ZNG1E: variants seen among roughly 807,000 people sequenced by gnomAD.
The protein encoded by ZNG1E is Zn regulated GTPase metalloprotein activator 1E.
At chr9:65,700,576 C>A in the ZNG1E span, 1 of 68,352 alleles carries the variant, frequency 1.5e-5, no homozygotes, top group African/African-American at 6.5e-5. Context: ...AGGGTCTTCG[C>A]ACTCCATCTT....
chr9:65,659,700 T>C, the ZNG1E span, among the ~76,000 whole-genome samples: 3 of 152,186 alleles, frequency 2.0e-5, no homozygotes, highest in African/African-American at 4.8e-5. Context: ...TTAAGAGTAG[T>C]AGTGCCTTCT....
chr9:65,673,742 C>T, the ZNG1E span, among the ~76,000 whole-genome samples: 35 of 151,696 alleles, frequency 2.3e-4, no homozygotes, highest in African/African-American at 7.7e-4. Flanking sequence ...GAGTTTAGGA[C>T]TGCAGTGAGC....
chr9:65,675,281 T>G, the ZNG1E span, among the ~76,000 whole-genome samples: 1 of 152,230 alleles, frequency 6.6e-6, no homozygotes, highest in African/African-American at 2.4e-5. Context: ...TATCTATGGA[T>G]TAGTGATGAG....
the ZNG1E span, among the ~76,000 whole-genome samples, chr9:65,712,544 G>A: frequency 2.5e-4 from 4 of 16,022 alleles, no homozygotes; most frequent in Non-Finnish European, 3.2e-4. Flanking sequence ...CAGAGATTCT[G>A]GTATGTTGTG....
the ZNG1E span, among the ~76,000 whole-genome samples, chr9:65,657,926 C>A: frequency 6.6e-6 from 1 of 152,258 alleles, no homozygotes; most frequent in Non-Finnish European, 1.5e-5. Context: ...CATGGAGAAA[C>A]CCATCTCTAC....
At chr9:65,715,260 G>A in the ZNG1E span, among the ~76,000 whole-genome samples, 9 of 145,488 alleles carry the variant, frequency 6.2e-5, no homozygotes, top group East Asian at 1.0e-3. Flanking sequence ...TTCGGCTCGC[G>A]GATGGAGCAT....
the ZNG1E span, chr9:65,688,899 C>CCTT: frequency 1.0e-5 from 1 of 96,364 alleles, no homozygotes. Flanking sequence ...TGTGACCTGA[C>CCTT]CTTCTCCTTC....
At chr9:65,711,012 G>A in the ZNG1E span, among the ~76,000 whole-genome samples, 1 of 145,042 alleles carries the variant, frequency 6.9e-6, no homozygotes, top group African/African-American at 2.7e-5. Flanking sequence ...CCATTTGTTT[G>A]TATCCTCTTT....
the ZNG1E span, among the ~76,000 whole-genome samples, chr9:65,693,921 G>A: frequency 6.6e-6 from 1 of 150,998 alleles, no homozygotes; most frequent in Non-Finnish European, 1.5e-5. Flanking sequence ...TATGCTCTAA[G>A]GGGATATGTC....
the ZNG1E span, among the ~76,000 whole-genome samples, chr9:65,714,410 T>TCTTTGGAGGAGGAGAGGCGCTGCGTTC: frequency 4.4e-5 from 5 of 113,710 alleles, no homozygotes; most frequent in East Asian, 2.3e-4. Flanking sequence ...GAACTGCGTT[T>TCTTTGGAGGAGGAGAGGCGCTGCGTTC]CTTTGGAGGA....
chr9:65,691,455 C>T, the ZNG1E span, among the ~76,000 whole-genome samples: 25 of 152,218 alleles, frequency 1.6e-4, no homozygotes, highest in African/African-American at 5.8e-4. Flanking sequence ...TAATTCCTTG[C>T]ATTGTGGTTC....
At chr9:65,686,597 T>C in the ZNG1E span, among the ~76,000 whole-genome samples, 2 of 152,162 alleles carry the variant, frequency 1.3e-5, no homozygotes, top group African/African-American at 4.8e-5. Context: ...GATTGCACAT[T>C]GCACTCCAGC....
At chr9:65,689,433 G>A in the ZNG1E span, among the ~76,000 whole-genome samples, 208 of 122,860 alleles carry the variant, frequency 1.7e-3, no homozygotes, top group East Asian at 0.023. Context: ...TTCAGACATT[G>A]CCAAATATTC....
chr9:65,733,497 GT>G, the ZNG1E span: 1 of 1,239,136 alleles, frequency 8.1e-7, no homozygotes, highest in Middle Eastern at 2.7e-4. Context: ...GTCATATTTT[GT>G]TTTGTTTGCA....
chr9:65,690,067 A>C, the ZNG1E span, among the ~76,000 whole-genome samples: 1 of 134,242 alleles, frequency 7.4e-6, no homozygotes, highest in Non-Finnish European at 1.6e-5. Flanking sequence ...CCCTTGCTAT[A>C]TCTTGCATGA....
At chr9:65,703,579 A>T in the ZNG1E span, 23 of 935,786 alleles carry the variant, frequency 2.5e-5, no homozygotes, top group Non-Finnish European at 2.8e-5. Flanking sequence ...ATATTTTATT[A>T]AGCTCATTTT....
the ZNG1E span, chr9:65,731,602 AATT>A: frequency 1.1e-5 from 18 of 1,571,414 alleles, 1 homozygote; most frequent in Admixed American, 7.2e-5. Context: ...TACTATAAAG[AATT>A]ATTATTATTT....
chr9:65,684,375 G>T, the ZNG1E span, among the ~76,000 whole-genome samples: 13 of 149,860 alleles, frequency 8.7e-5, no homozygotes, highest in African/African-American at 3.2e-4. Flanking sequence ...AGTCTCTACT[G>T]AAAATTCAAA....
the ZNG1E span, among the ~76,000 whole-genome samples, chr9:65,681,252 G>A: frequency 7.3e-4 from 111 of 152,098 alleles, no homozygotes; most frequent in East Asian, 0.011. Context: ...CATACTAGTC[G>A]ATTTAGAAAG....
Sources: allele counts gnomAD v4.1 joint callset (sites outside exome capture counted in the v4.1 genomes callset), GRCh38; gene constraint gnomAD v4.1.1; transcripts MANE v1.5; gene names NCBI Gene and HGNC (gene_info 2026-07-23, HGNC 2026-07-21).